KCND2: variants seen among roughly 807,000 people sequenced by gnomAD.
KCND2 encodes the protein potassium voltage-gated channel subfamily D member 2.
Under a neutral mutation model 54.4 loss-of-function variants are expected in KCND2, and 16 were observed. That is an observed-to-expected ratio of 0.29 (90% CI 0.20 to 0.45). KCND2 has a LOEUF of 0.45. KCND2 is among the 20% of genes least tolerant of loss of function. KCND2 has a pLI of 1.00. For missense variants in KCND2, 486 were observed against 824.2 expected (o/e 0.59, Z 5.02); for synonymous variants, 317 against 310.7 (o/e 1.02, Z -0.21).
At chr7:120,424,077 T>C (rs1801665943) in intron 1 of KCND2, among the ~76,000 whole-genome samples, 1 of 152,214 alleles carries the variant, frequency 6.6e-6, no homozygotes, top group Admixed American at 6.5e-5. Flanking sequence ...TAATTTTCTC[T>C]AAATCCTGGC....
intron 1 of KCND2, among the ~76,000 whole-genome samples, chr7:120,340,563 G>T (rs1800225819): frequency 6.6e-6 from 1 of 152,186 alleles, no homozygotes; most frequent in Admixed American, 6.5e-5. Flanking sequence ...GGTTAGAAGA[G>T]AACAATTAGT....
chr7:120,676,155 C>T (rs576611872), intron 1 of KCND2, among the ~76,000 whole-genome samples: 1 of 152,236 alleles, frequency 6.6e-6, no homozygotes, highest in Non-Finnish European at 1.5e-5. Context: ...CTATTCTTAG[C>T]ACAAGGAACA....
intron 1 of KCND2, among the ~76,000 whole-genome samples, chr7:120,363,331 G>A (rs565322124): frequency 1.3e-5 from 2 of 152,154 alleles, no homozygotes; most frequent in South Asian, 4.1e-4. Flanking sequence ...GGATGTCTAA[G>A]AATCTCTCAA....
At chr7:120,300,452 AT>A (rs1563001899) in intron 1 of KCND2, among the ~76,000 whole-genome samples, 2 of 152,134 alleles carry the variant, frequency 1.3e-5, no homozygotes, top group African/African-American at 4.8e-5. Context: ...AATAAAGAGC[AT>A]TTTGATTCCT....
intron 1 of KCND2, among the ~76,000 whole-genome samples, chr7:120,504,680 A>T (rs544160390): frequency 6.6e-6 from 1 of 151,978 alleles, no homozygotes; most frequent in Non-Finnish European, 1.5e-5. Flanking sequence ...ATTGGTATAC[A>T]TGTTTGAATT....
Position 120,749,756 on chromosome 7 carries a change from A to T in KCND2, c.*1898A>T, listed in dbSNP as rs1340981160. The T allele has an allele frequency of 3.9e-5, 6 of 152,334 alleles. No homozygotes were observed. The highest frequency in any genetic ancestry group is 8.8e-5 in the Non-Finnish European group (6 of 67,838). 9.4% of individuals were successfully genotyped at this position (152,334 alleles called of 1,614,324 possible). On this transcript the variant is annotated 3_prime_UTR_variant, in exon 6 of 6. Transcript: ENST00000331113. ...TTCCTAGTACATCTTTTAAAAAGTT[A>T]CTAATTTTCCAGCAGTACAAATATT...
chr7:120,504,416 A>T (rs573398101), intron 1 of KCND2, among the ~76,000 whole-genome samples: 22 of 151,926 alleles, frequency 1.4e-4, no homozygotes, highest in African/African-American at 5.3e-4. Context: ...AAGTATGTGG[A>T]TCTATTTTTA....
At chr7:120,390,190 A>G (rs998975847) in intron 1 of KCND2, among the ~76,000 whole-genome samples, 1 of 151,932 alleles carries the variant, frequency 6.6e-6, no homozygotes, top group Non-Finnish European at 1.5e-5. Context: ...CAAAAATAAT[A>G]TATTCTTTGT....
intron 1 of KCND2, among the ~76,000 whole-genome samples, chr7:120,622,694 C>G (rs1218093428): frequency 8.3e-6 from 1 of 120,480 alleles, no homozygotes; most frequent in African/African-American, 3.8e-5. Flanking sequence ...CACACACTCT[C>G]TCTCTCTCTC....
chr7:120,549,123 C>G (rs1792076935), intron 1 of KCND2, among the ~76,000 whole-genome samples: 1 of 152,024 alleles, frequency 6.6e-6, no homozygotes, highest in Non-Finnish European at 1.5e-5. Flanking sequence ...GCCAGAGAAA[C>G]AAGGGCTGAC....
intron 2 of KCND2, among the ~76,000 whole-genome samples, chr7:120,734,208 C>A (rs936038373): frequency 6.6e-6 from 1 of 152,072 alleles, no homozygotes; most frequent in African/African-American, 2.4e-5. Flanking sequence ...CAGTTGGCCC[C>A]CTTTGATTGG....
intron 1 of KCND2, among the ~76,000 whole-genome samples, chr7:120,354,643 G>T (rs74782082): frequency 1.3e-5 from 2 of 152,268 alleles, no homozygotes; most frequent in African/African-American, 4.8e-5. Flanking sequence ...AACTACTTGA[G>T]GGGGAGGTGA....
At chr7:120,693,379 G>T (rs371310889) in intron 1 of KCND2, among the ~76,000 whole-genome samples, 4 of 152,128 alleles carry the variant, frequency 2.6e-5, no homozygotes, top group Non-Finnish European at 5.9e-5. Context: ...TGTCTTATTA[G>T]GTGGTGAGCT....
intron 1 of KCND2, among the ~76,000 whole-genome samples, chr7:120,417,634 A>G (rs1388679372): frequency 6.6e-6 from 1 of 152,238 alleles, no homozygotes; most frequent in Non-Finnish European, 1.5e-5. Flanking sequence ...TTGGAATGAT[A>G]TACGATCCTG....
At chr7:120,578,019 G>T (rs1213096518) in intron 1 of KCND2, among the ~76,000 whole-genome samples, 1 of 149,930 alleles carries the variant, frequency 6.7e-6, no homozygotes, top group Non-Finnish European at 1.5e-5. Context: ...TGAGCAACAT[G>T]GCAAAACGAA....
At chr7:120,711,895 T>C (rs1279997429) in intron 1 of KCND2, among the ~76,000 whole-genome samples, 3 of 152,134 alleles carry the variant, frequency 2.0e-5, no homozygotes, top group Non-Finnish European at 4.4e-5. Flanking sequence ...AGTCAATAAA[T>C]GAACAAATCA....
intron 1 of KCND2, among the ~76,000 whole-genome samples, chr7:120,525,719 A>G (rs1791763950): frequency 6.6e-6 from 1 of 152,192 alleles, no homozygotes; most frequent in Admixed American, 6.6e-5. Flanking sequence ...CCTAGCGTAA[A>G]GCCATTTATC....
chr7:120,521,326 T>A (rs939095706), intron 1 of KCND2, among the ~76,000 whole-genome samples: 10 of 152,074 alleles, frequency 6.6e-5, no homozygotes, highest in East Asian at 1.9e-4. Flanking sequence ...AAAAAAAAAA[T>A]TATTTTAGGG....
intron 1 of KCND2, among the ~76,000 whole-genome samples, chr7:120,314,713 A>G (rs1799788014): frequency 6.6e-6 from 1 of 152,202 alleles, no homozygotes; most frequent in African/African-American, 2.4e-5. Context: ...GTATAATATT[A>G]CAATGCAAAG....
Sources: gnomAD v4.1 joint callset for allele counts (sites outside exome capture counted in the v4.1 genomes callset) on GRCh38, gnomAD v4.1.1 for gene constraint, MANE v1.5 for transcripts, NCBI Gene and HGNC (gene_info 2026-07-23, HGNC 2026-07-21) for gene names.